SHB: variants seen among roughly 807,000 people sequenced by gnomAD.
The protein encoded by SHB is SH2 domain-containing adapter protein B.
SHB carries 20 observed loss-of-function variants against 52.3 expected under a neutral mutation model. That is an observed-to-expected ratio of 0.38 (90% CI 0.27 to 0.56). SHB has a LOEUF of 0.56. SHB is among the 20% of genes least tolerant of loss of function. The pLI is 0.71. For synonymous variants in SHB, 397 were observed against 316.5 expected, an observed-to-expected ratio of 1.25 and a Z score of -2.70; for missense variants, 825 against 723.3, an observed-to-expected ratio of 1.14 and a Z score of -1.61.
At chr9:37,926,423 G>C (rs371768236) in intron 5 of SHB, among the ~76,000 whole-genome samples, 1 of 152,268 alleles carries the variant, frequency 6.6e-6, no homozygotes, top group Non-Finnish European at 1.5e-5. Flanking sequence ...CCATCTTACC[G>C]ACTGTGGCCA....
chr9:38,035,485 C>A (rs1009784930), intron 1 of SHB, among the ~76,000 whole-genome samples: 1 of 152,078 alleles, frequency 6.6e-6, no homozygotes, highest in Non-Finnish European at 1.5e-5. Flanking sequence ...TATAAAACTG[C>A]ATCCCTCCCT....
chr9:38,028,066 A>T (rs952976848), intron 1 of SHB, among the ~76,000 whole-genome samples: 1 of 152,106 alleles, frequency 6.6e-6, no homozygotes, highest in Non-Finnish European at 1.5e-5. Flanking sequence ...TGCATTGGAG[A>T]CTGCGCAGAA....
At chr9:38,062,423 G>A (rs1821906749) in intron 1 of SHB, among the ~76,000 whole-genome samples, 1 of 152,114 alleles carries the variant, frequency 6.6e-6, no homozygotes, top group South Asian at 2.1e-4. Flanking sequence ...AATTGTGGCT[G>A]GCCTTATGAT....
At chr9:38,044,561 C>T (rs929131777) in intron 1 of SHB, among the ~76,000 whole-genome samples, 1 of 152,134 alleles carries the variant, frequency 6.6e-6, no homozygotes, top group African/African-American at 2.4e-5. Context: ...TCATCACTCC[C>T]ACCTGCCACT....
At chr9:37,940,531 T>G (rs1275445463) in intron 5 of SHB, among the ~76,000 whole-genome samples, 3 of 152,194 alleles carry the variant, frequency 2.0e-5, no homozygotes, top group Non-Finnish European at 4.4e-5. Flanking sequence ...TTTTCCTCCA[T>G]GAGCCCTGAA....
At chr9:37,968,276 C>T (rs1297679957) in intron 3 of SHB, among the ~76,000 whole-genome samples, 2 of 152,104 alleles carry the variant, frequency 1.3e-5, no homozygotes, top group African/African-American at 2.4e-5. Context: ...GAAGTTGTGA[C>T]CATCCCCATT....
intron 1 of SHB, among the ~76,000 whole-genome samples, chr9:38,062,508 G>A (rs1487183051): frequency 6.6e-6 from 1 of 152,026 alleles, no homozygotes; most frequent in Non-Finnish European, 1.5e-5. Context: ...ATGCGCTCCT[G>A]CTTTTTCTTG....
chr9:38,032,593 C>T lies in SHB; in HGVS notation c.718-16462G>A, dbSNP rs73437998. Among the ~76,000 whole-genome samples, 1,267 of 152,324 alleles carry T rather than the reference C, an allele frequency of 8.3e-3. 14 individuals carry two copies. The highest frequency in any genetic ancestry group is 0.028 in the African/African-American group (1,178 of 41,558). ...TCAGCTGCCCTGTGACTCCGGCACA[C>T]CTGCAACCTGCCCTGCCCGGGCCAC... On this transcript the variant is annotated intron_variant, in intron 1 of 5. Transcript: ENST00000377707.
intron 1 of SHB, among the ~76,000 whole-genome samples, chr9:38,054,487 G>A (rs1821787035): frequency 6.6e-6 from 1 of 152,076 alleles, no homozygotes; most frequent in African/African-American, 2.4e-5. Flanking sequence ...CTCACCCACC[G>A]GGAACCTGCT....
chr9:37,953,465 C>G (rs920263334), intron 4 of SHB, among the ~76,000 whole-genome samples: 14 of 151,778 alleles, frequency 9.2e-5, no homozygotes, highest in African/African-American at 3.4e-4. Context: ...TACTGGGACA[C>G]GTTCATATAC....
intron 3 of SHB, among the ~76,000 whole-genome samples, chr9:37,968,565 G>A (rs1042432944): frequency 6.6e-6 from 1 of 152,230 alleles, no homozygotes; most frequent in Admixed American, 6.5e-5. Flanking sequence ...CTGAGCCAAG[G>A]ACACTGCCTG....
intron 2 of SHB, among the ~76,000 whole-genome samples, chr9:37,985,516 C>T (rs1387522746): frequency 2.0e-5 from 3 of 152,268 alleles, no homozygotes; most frequent in Non-Finnish European, 4.4e-5. Context: ...TGCAGGCCTG[C>T]GTTCTGGCGC....
chr9:37,953,421 G>GT (rs113257901), intron 4 of SHB, among the ~76,000 whole-genome samples: 4,617 of 146,792 alleles, frequency 0.031, 128 homozygotes, highest in Non-Finnish European at 0.038. Flanking sequence ...TTGAGTCAAG[G>GT]TTTTTTTTTT....
At chr9:37,954,390 G>A (rs940572389) in intron 4 of SHB, among the ~76,000 whole-genome samples, 9 of 152,150 alleles carry the variant, frequency 5.9e-5, no homozygotes, top group African/African-American at 1.9e-4. Context: ...GAAGGCTCAC[G>A]AACCATGTGT....
intron 1 of SHB, among the ~76,000 whole-genome samples, chr9:38,022,808 C>T (rs924188781): frequency 6.6e-6 from 1 of 152,218 alleles, no homozygotes; most frequent in Non-Finnish European, 1.5e-5. Flanking sequence ...GCCATACAGA[C>T]ACAAGCCAGG....
At chr9:37,989,000 A>G (rs1224597827) in intron 2 of SHB, among the ~76,000 whole-genome samples, 1 of 151,818 alleles carries the variant, frequency 6.6e-6, no homozygotes, top group Non-Finnish European at 1.5e-5. Context: ...TAACTTACCA[A>G]CAAATTTTGG....
intron 1 of SHB, among the ~76,000 whole-genome samples, chr9:38,055,828 G>T (rs559858295): frequency 6.6e-6 from 1 of 152,220 alleles, no homozygotes; most frequent in Admixed American, 6.5e-5. Context: ...GCAGACCACC[G>T]TGATTGCCTC....
At chr9:38,046,630 G>A (rs958285038) in intron 1 of SHB, among the ~76,000 whole-genome samples, 8 of 152,176 alleles carry the variant, frequency 5.3e-5, no homozygotes, top group African/African-American at 1.2e-4. Flanking sequence ...GGGTGATCAC[G>A]CCAAGCAATG....
intron 1 of SHB, among the ~76,000 whole-genome samples, chr9:38,058,791 G>A (rs1821853802): frequency 1.3e-5 from 2 of 152,056 alleles, no homozygotes; most frequent in South Asian, 4.2e-4. Flanking sequence ...ACTGCCTCAG[G>A]CTTCTGCACT....
Sources: allele counts gnomAD v4.1 joint callset (sites outside exome capture counted in the v4.1 genomes callset), GRCh38; gene constraint gnomAD v4.1.1; transcripts MANE v1.5; gene names NCBI Gene and HGNC (gene_info 2026-07-23, HGNC 2026-07-21).